R3HCC1L: variants seen among roughly 807,000 people sequenced by gnomAD.
R3HCC1L encodes R3H domain and coiled-coil containing 1 like.
R3HCC1L carries 51 observed loss-of-function variants against 59.9 expected under a neutral mutation model. The ratio of observed to expected loss-of-function variants is 0.85; its 90% CI spans 0.68 to 1.07. The LOEUF is 1.07. Ranked by LOEUF, R3HCC1L falls within the 50% of genes least tolerant of loss-of-function variation. The pLI is 0.00. For missense variants in R3HCC1L, 965 were observed against 933.0 expected (o/e 1.03, Z -0.45); for synonymous variants, 322 against 315.2 (o/e 1.02, Z -0.23).
At chr10:98,176,188 A>C (rs11189503) in intron 4 of R3HCC1L, among the ~76,000 whole-genome samples, 38,475 of 152,116 alleles carry the variant, frequency 0.25, 6,005 homozygotes, top group South Asian at 0.42. Flanking sequence ...GCTTTATAGT[A>C]AACTTGAAAT....
At chr10:98,174,870 C>T (rs1422034183) in intron 4 of R3HCC1L, 2 of 764,812 alleles carry the variant, frequency 2.6e-6, no homozygotes, top group Non-Finnish European at 3.2e-6. Flanking sequence ...TATTGATGTT[C>T]GTAATGTTAT....
rs773440051 is a variant in R3HCC1L at position 98,235,463 on chromosome 10, A to G, written c.2071A>G (p.Ile691Val). 3.1e-6 allele frequency: 5 copies of G among 1,613,616 alleles called. No homozygotes were observed. The highest frequency in any genetic ancestry group is 3.4e-6 in the Non-Finnish European group (4 of 1,179,828). Reference protein sequence around the residue: ...ALGIKHTMVKIRPLSQATRAA... With the variant: ...ALGIKHTMVKVRPLSQATRAA... Reference sequence around the variant, plus strand: ...GGGTATTAAACACACCATGGTGAAGATTCGTCCCTTGTCACAGGCCACAAG... The same window carrying G: ...GGGTATTAAACACACCATGGTGAAGGTTCGTCCCTTGTCACAGGCCACAAG... Residue 691 changes from isoleucine to valine, a missense_variant, in exon 8 of 10, where the codon ATT becomes GTT. Ile to Val is a conservative substitution (Grantham distance 29, BLOSUM62 3). Coordinates refer to ENST00000298999, the MANE Select transcript of R3HCC1L (RefSeq NM_001351015.2).
chr10:98,161,148 G>A (rs988998872), intron 2 of R3HCC1L, among the ~76,000 whole-genome samples: 3 of 152,122 alleles, frequency 2.0e-5, no homozygotes, highest in Non-Finnish European at 2.9e-5. Context: ...CATCAGCAGG[G>A]TATGAGAGGG....
At chr10:98,188,012 G>A (rs887235024) in intron 4 of R3HCC1L, among the ~76,000 whole-genome samples, 9 of 151,984 alleles carry the variant, frequency 5.9e-5, no homozygotes, top group Admixed American at 3.9e-4. Flanking sequence ...CAGAAGTCCT[G>A]GGGTTATAGG....
chr10:98,235,815 T>C (rs1046685352), intron 8 of R3HCC1L, among the ~76,000 whole-genome samples: 9 of 152,224 alleles, frequency 5.9e-5, no homozygotes, highest in African/African-American at 2.2e-4. Context: ...CACTGTAAGA[T>C]ACTTTGTTAA....
At chr10:98,174,547 G>A (rs1228636258) in intron 4 of R3HCC1L, 3 of 923,458 alleles carry the variant, frequency 3.2e-6, no homozygotes, top group Non-Finnish European at 3.9e-6. Flanking sequence ...GAATATAAAG[G>A]AGTATATAAT....
At chr10:98,213,447 G>A (rs1321750571) in intron 5 of R3HCC1L, among the ~76,000 whole-genome samples, 1 of 152,106 alleles carries the variant, frequency 6.6e-6, no homozygotes, top group Non-Finnish European at 1.5e-5. Context: ...TATAACAGAT[G>A]TACTAAAACT....
intron 4 of R3HCC1L, chr10:98,174,600 A>G (rs771744215): frequency 9.1e-6 from 9 of 984,722 alleles, no homozygotes; most frequent in Non-Finnish European, 1.1e-5. Flanking sequence ...TTTAAACACA[A>G]CTCATTTAGG....
intron 9 of R3HCC1L, among the ~76,000 whole-genome samples, chr10:98,239,609 CCAGAA>C (rs1857315361): frequency 6.6e-6 from 1 of 152,054 alleles, no homozygotes; most frequent in African/African-American, 2.4e-5. Flanking sequence ...TTTATAAAAC[CCAGAA>C]TGTGAAACCT....
chr10:98,176,002 A>G (rs2134444003), intron 4 of R3HCC1L, among the ~76,000 whole-genome samples: 1 of 152,180 alleles, frequency 6.6e-6, no homozygotes, highest in South Asian at 2.1e-4. Flanking sequence ...ATGAATTTCC[A>G]CTTGTTTCGG....
At chr10:98,193,358 C>T (rs1039612282) in intron 4 of R3HCC1L, among the ~76,000 whole-genome samples, 5 of 151,608 alleles carry the variant, frequency 3.3e-5, no homozygotes, top group Admixed American at 2.0e-4. Context: ...CTTGGTTTTA[C>T]GTGTACAAAA....
At chr10:98,156,974 GTC>G (rs1431515528) in intron 2 of R3HCC1L, among the ~76,000 whole-genome samples, 1 of 152,162 alleles carries the variant, frequency 6.6e-6, no homozygotes, top group South Asian at 2.1e-4. Context: ...GCCTTTCCAT[GTC>G]TGAAAATATT....
intron 2 of R3HCC1L, among the ~76,000 whole-genome samples, chr10:98,160,541 C>A (rs1161661448): frequency 2.6e-5 from 4 of 152,102 alleles, no homozygotes; most frequent in African/African-American, 9.7e-5. Flanking sequence ...ATATAAAAAC[C>A]GTGTTCAAAA....
intron 1 of R3HCC1L, among the ~76,000 whole-genome samples, chr10:98,144,431 G>T (rs551266817): frequency 3.3e-5 from 5 of 152,182 alleles, no homozygotes; most frequent in Admixed American, 6.5e-5. Context: ...GGCCAGGCTG[G>T]TCTCAAACTC....
chr10:98,179,379 A>G (rs896795987), intron 4 of R3HCC1L, among the ~76,000 whole-genome samples: 1 of 151,920 alleles, frequency 6.6e-6, no homozygotes, highest in African/African-American at 2.4e-5. Context: ...TGATTTATGT[A>G]TGTTGAACCA....
chr10:98,170,060 T>C (rs1044398588), intron 4 of R3HCC1L, among the ~76,000 whole-genome samples: 3 of 152,056 alleles, frequency 2.0e-5, no homozygotes, highest in African/African-American at 7.2e-5. Context: ...TGAGTATTAG[T>C]GTGGATAATA....
intron 2 of R3HCC1L, among the ~76,000 whole-genome samples, chr10:98,158,707 G>A (rs1009958747): frequency 6.6e-6 from 1 of 151,938 alleles, no homozygotes; most frequent in Non-Finnish European, 1.5e-5. Flanking sequence ...TTGGCCCATT[G>A]TACTTTATAG....
intron 1 of R3HCC1L, among the ~76,000 whole-genome samples, chr10:98,152,472 G>A (rs1162776297): frequency 2.2e-5 from 3 of 134,224 alleles, no homozygotes; most frequent in African/African-American, 7.7e-5. Flanking sequence ...AGTGAGGAGC[G>A]CCTCTTCCCG....
intron 4 of R3HCC1L, among the ~76,000 whole-genome samples, chr10:98,204,960 T>C (rs1852475815): frequency 6.6e-6 from 1 of 152,156 alleles, no homozygotes; most frequent in Non-Finnish European, 1.5e-5. Flanking sequence ...AGAATGGGGA[T>C]GCTTCTCCTT....
Sources: gnomAD v4.1 joint callset for allele counts (sites outside exome capture counted in the v4.1 genomes callset) on GRCh38, gnomAD v4.1.1 for gene constraint, MANE v1.5 for transcripts, NCBI Gene and HGNC (gene_info 2026-07-23, HGNC 2026-07-21) for gene names.